Variants in ZC3HAV1 observed in about 807,000 individuals in gnomAD.
ZC3HAV1 encodes the protein zinc finger CCCH-type containing, antiviral 1.
A neutral mutation model predicts 86.6 loss-of-function variants in ZC3HAV1; 41 were observed. The observed-to-expected ratio is 0.47, with a 90% CI of 0.37 to 0.61. The LOEUF (loss-of-function observed/expected upper bound fraction) is 0.61, where lower values mean the gene tolerates loss of function less well. ZC3HAV1 is among the 20% of genes least tolerant of loss of function. ZC3HAV1 has a pLI of 0.00. For synonymous variants in ZC3HAV1, 421 were observed against 432.1 expected, an observed-to-expected ratio of 0.97 and a Z score of 0.32; for missense variants, 964 against 1,141.1, an observed-to-expected ratio of 0.84 and a Z score of 2.24.
At chr7:139,087,573 T>G (rs1301870524) in intron 2 of ZC3HAV1, among the ~76,000 whole-genome samples, 2 of 152,076 alleles carry the variant, frequency 1.3e-5, no homozygotes, top group Non-Finnish European at 2.9e-5. Flanking sequence ...CAACAAGTCT[T>G]TATAATGTGT....
intron 12 of ZC3HAV1, among the ~76,000 whole-genome samples, chr7:139,049,284 G>C (rs1199690976): frequency 2.0e-5 from 3 of 151,812 alleles, no homozygotes; most frequent in Non-Finnish European, 4.4e-5. Context: ...CATTCTAATC[G>C]GTGCGAGGCA....
At chr7:139,091,105 C>T (rs1195407301) in intron 1 of ZC3HAV1, among the ~76,000 whole-genome samples, 1 of 152,172 alleles carries the variant, frequency 6.6e-6, no homozygotes, top group Non-Finnish European at 1.5e-5. Flanking sequence ...TAACCAGTCC[C>T]CGCCAGCCCC....
At chr7:139,097,422 ATATATAT>A (rs1817629114) in intron 1 of ZC3HAV1, among the ~76,000 whole-genome samples, 1 of 79,522 alleles carries the variant, frequency 1.3e-5, no homozygotes, top group Non-Finnish European at 2.1e-5. Flanking sequence ...ATATATATAT[ATATATAT>A]TTTTTTTTTT....
At chr7:139,052,606 C>CAAA (rs35386659) in intron 12 of ZC3HAV1, among the ~76,000 whole-genome samples, 11 of 64,928 alleles carry the variant, frequency 1.7e-4, no homozygotes, top group Non-Finnish European at 2.8e-4. Flanking sequence ...ACTCTGTCTC[C>CAAA]AAAAAAAAAA....
In ZC3HAV1 at chr7:139,102,938, ATATATGTATATG is replaced by A. The variant is rs57404294; in HGVS notation, c.308+6074_308+6085del. On this transcript the variant is annotated intron_variant, in intron 1 of 12. Transcript: ENST00000242351. ...TGTCTCAAAAAAAAAAAAAGTATAT[ATATATGTATATG>A]TATATGTATATGTATATGTATATGT... is the stretch of plus-strand genomic sequence containing the variant. Among the ~76,000 whole-genome samples, 298 of 146,684 alleles carry A rather than the reference ATATATGTATATG, an allele frequency of 2.0e-3. 1 individual carries two copies. Among genetic ancestry groups the A allele is most frequent in the African/African-American group, 6.8e-3 (271 of 39,652 alleles).
intron 9 of ZC3HAV1, 145 bp from the exon 10 acceptor site, chr7:139,055,440 A>T: frequency 3.7e-6 from 2 of 537,890 alleles, no homozygotes; most frequent in Non-Finnish European, 6.4e-6. Flanking sequence ...CTACATCCTC[A>T]CATATTCCTG....
intron 1 of ZC3HAV1, among the ~76,000 whole-genome samples, chr7:139,102,701 G>A (rs751966895): frequency 9.3e-5 from 14 of 150,956 alleles, no homozygotes; most frequent in Non-Finnish European, 1.9e-4. Flanking sequence ...AGACCAGCCT[G>A]GGCAAAATAG....
Position 139,080,073 on chromosome 7 carries a change from C to T in ZC3HAV1, c.868G>A (p.Val290Met). 1.2e-6 allele frequency: 2 copies of T among 1,614,200 alleles called. No homozygotes were observed. Among genetic ancestry groups the T allele is most frequent in the Non-Finnish European group, 1.7e-6 (2 of 1,180,042 alleles). ...GTGAACTTGCGGGTGAGATCGTCCA[C>T]AGGCGCGTCCTCCAGGGAAGCCCTG... ...SHRASLEDAP[V>M]DDLTRKFTYL... The change falls in exon 4 of 13, where the codon GTG (valine) becomes ATG (methionine). Residue 290 changes from valine (V) to methionine (M), a missense_variant. Transcript: ENST00000242351.
intron 7 of ZC3HAV1, among the ~76,000 whole-genome samples, chr7:139,070,138 A>G (rs1379206443): frequency 1.3e-5 from 2 of 152,028 alleles, no homozygotes; most frequent in Non-Finnish European, 2.9e-5. Context: ...CAATTTATAT[A>G]ATGATGGGTC....
chr7:139,070,053 G>T (rs1270894194), intron 7 of ZC3HAV1, among the ~76,000 whole-genome samples: 1 of 151,620 alleles, frequency 6.6e-6, no homozygotes, highest in African/African-American at 2.4e-5. Context: ...ATTTTACTTG[G>T]ACTCCCAGCA....
intron 1 of ZC3HAV1, among the ~76,000 whole-genome samples, chr7:139,091,335 A>G (rs534331344): frequency 7.7e-4 from 117 of 152,240 alleles, no homozygotes; most frequent in Non-Finnish European, 1.5e-3. Context: ...CGTGTCTACT[A>G]AAAATAGCTG....
intron 1 of ZC3HAV1, among the ~76,000 whole-genome samples, chr7:139,106,169 CA>C (rs1418226024): frequency 6.6e-6 from 1 of 152,146 alleles, no homozygotes; most frequent in Non-Finnish European, 1.5e-5. Context: ...TGGAGGTTAA[CA>C]ACCCAATTAA....
At chr7:139,090,044 C>T (rs924346029) in intron 1 of ZC3HAV1, among the ~76,000 whole-genome samples, 2 of 152,106 alleles carry the variant, frequency 1.3e-5, no homozygotes, top group African/African-American at 4.8e-5. Context: ...CTCAGCCTCC[C>T]GAGTAGCTGG....
In ZC3HAV1 at chr7:139,088,031, C is replaced by CAAAAAAAAAAAAAAAAA. The variant is rs10544425; in HGVS notation, c.444+1576_444+1592dup. On this transcript the variant is annotated intron_variant, in intron 2 of 12. Transcript: ENST00000242351. ...CGGGTGACAGAGCAAGATCCTGTCTCAAAAAAAAAAAAAAAAAAAAAAAAG... is the reference window on the plus strand; with the variant it reads ...CGGGTGACAGAGCAAGATCCTGTCTCAAAAAAAAAAAAAAAAAAAAAAAAAAAAAAAAAAAAAAAAAG... 6.0e-3 allele frequency among the ~76,000 whole-genome samples: 342 copies of CAAAAAAAAAAAAAAAAA among 57,358 alleles called. 2 individuals carry two copies. The highest frequency in any genetic ancestry group is 7.9e-3 in the Non-Finnish European group (228 of 29,018). The allele number at this position is 57,358 out of a possible 152,430, so 37.6% of individuals were successfully genotyped here.
At chr7:139,105,647 A>G in intron 1 of ZC3HAV1, among the ~76,000 whole-genome samples, 1 of 152,232 alleles carries the variant, frequency 6.6e-6, no homozygotes, top group East Asian at 1.9e-4. Flanking sequence ...CCTATCTATA[A>G]ATAATAGTAC....
At chr7:139,086,336 C>T (rs539550587) in intron 2 of ZC3HAV1, among the ~76,000 whole-genome samples, 13 of 152,284 alleles carry the variant, frequency 8.5e-5, no homozygotes, top group Admixed American at 2.6e-4. Flanking sequence ...TTAACTCTGA[C>T]GAGTGGAAAA....
intron 7 of ZC3HAV1, among the ~76,000 whole-genome samples, chr7:139,071,247 C>T (rs1816765168): frequency 6.6e-6 from 1 of 151,912 alleles, no homozygotes; most frequent in Admixed American, 6.6e-5. Flanking sequence ...CAGGTGCACG[C>T]CACCAAGCCC....
rs1817206084 is a variant in ZC3HAV1 at position 139,083,988 on chromosome 7, G to T, written c.489C>A (p.Asn163Lys). ...YKGEGRQQIC[N>K]QQPPCSRLHI... Reference sequence around the variant, plus strand: ...GGAGTCTTGAACACGGTGGCTGCTGGTTACAAATCTGCTGCCGACCCTCTC... The same window carrying T: ...GGAGTCTTGAACACGGTGGCTGCTGTTTACAAATCTGCTGCCGACCCTCTC... Residue 163 changes from asparagine to lysine, a missense_variant, in exon 3 of 13, where the codon AAC (asparagine) becomes AAA (lysine). By Grantham distance (94) the Asn-to-Lys change is moderately conservative. Transcript: ENST00000242351. The T allele has an allele frequency of 6.2e-7, 1 of 1,614,002 alleles. No individual in the cohort carries two copies. The highest frequency in any genetic ancestry group is 8.5e-7 in the Non-Finnish European group (1 of 1,180,026).
At chr7:139,058,519 AG>A (rs1414479835) in intron 9 of ZC3HAV1, among the ~76,000 whole-genome samples, 3 of 134,712 alleles carry the variant, frequency 2.2e-5, no homozygotes, top group Admixed American at 7.5e-5. Context: ...GTGGGGAGGG[AG>A]GGGGAAGGGA....
Sources: allele counts gnomAD v4.1 joint callset (sites outside exome capture counted in the v4.1 genomes callset), GRCh38; gene constraint gnomAD v4.1.1; transcripts MANE v1.5; gene names NCBI Gene and HGNC (gene_info 2026-07-23, HGNC 2026-07-21).